CRACR2A: variants seen among roughly 807,000 people sequenced by gnomAD.
CRACR2A encodes the protein EF-hand calcium-binding domain-containing protein 4B.
CRACR2A carries 79 observed loss-of-function variants against 90.5 expected under a neutral mutation model. The observed-to-expected ratio is 0.87, with a 90% CI of 0.73 to 1.05. CRACR2A has a LOEUF of 1.05. CRACR2A is among the 50% of genes least tolerant of loss of function. The probability of loss-of-function intolerance (pLI) is 0.00; values close to 1 mark genes in which losing one functional copy is unlikely to be tolerated. For missense variants in CRACR2A, 823 were observed against 897.2 expected (o/e 0.92, Z 1.06); for synonymous variants, 338 against 356.7 (o/e 0.95, Z 0.59).
chr12:3,666,196 T>C (rs1945132032), intron 7 of CRACR2A, among the ~76,000 whole-genome samples: 1 of 151,886 alleles, frequency 6.6e-6, no homozygotes, highest in South Asian at 2.1e-4. Flanking sequence ...GCGGATGCCA[T>C]AAGGGCAACA....
At chr12:3,659,405 G>T (rs544356172) in intron 8 of CRACR2A, among the ~76,000 whole-genome samples, 159 bp downstream of exon 8, 10 of 152,214 alleles carry the variant, frequency 6.6e-5, no homozygotes, top group African/African-American at 2.2e-4. Flanking sequence ...GATATTACAT[G>T]TCCTGTGTGA....
At chr12:3,745,825 T>TAAAATAAAATAAAATAAAG (rs149739964) in intron 1 of CRACR2A, among the ~76,000 whole-genome samples, 10,134 of 100,266 alleles carry the variant, frequency 0.1, 1,041 homozygotes, top group African/African-American at 0.12. Context: ...TAAAATAAAA[T>TAAAATAAAATAAAATAAAG]AAAGAAAGAA....
intron 4 of CRACR2A, among the ~76,000 whole-genome samples, chr12:3,695,963 T>C (rs554695919): frequency 9.8e-5 from 15 of 152,378 alleles, no homozygotes; most frequent in African/African-American, 3.1e-4. Context: ...TCCCCTATTT[T>C]GGTGTGGCTA....
At chr12:3,630,832 G>A (rs976617662) in intron 15 of CRACR2A, among the ~76,000 whole-genome samples, 6 of 152,248 alleles carry the variant, frequency 3.9e-5, no homozygotes, top group African/African-American at 1.4e-4. Flanking sequence ...TTGCACTGGA[G>A]CAACTGGCAT....
At chr12:3,654,166 A>G (rs2137463203) in intron 10 of CRACR2A, 46 bp downstream of exon 10, 1 of 1,590,098 alleles carries the variant, frequency 6.3e-7, no homozygotes, top group South Asian at 1.1e-5. Context: ...CATAGTGGGG[A>G]GTGGTGCGGG....
chr12:3,747,617 G>A (rs916524785), intron 1 of CRACR2A, among the ~76,000 whole-genome samples: 1 of 152,206 alleles, frequency 6.6e-6, no homozygotes, highest in East Asian at 1.9e-4. Flanking sequence ...CAATCACCCA[G>A]GTAATAGAAG....
chr12:3,687,117 A>G (rs1945571683), intron 4 of CRACR2A, among the ~76,000 whole-genome samples: 2 of 151,998 alleles, frequency 1.3e-5, no homozygotes, highest in Admixed American at 6.5e-5. Flanking sequence ...CAATCTCACA[A>G]TCCATTTTTA....
intron 7 of CRACR2A, among the ~76,000 whole-genome samples, chr12:3,660,927 C>T (rs189558015): frequency 4.0e-4 from 61 of 151,612 alleles, no homozygotes; most frequent in Admixed American, 6.6e-5. Flanking sequence ...TGATGGCAAG[C>T]CCACTGTGCC....
At chr12:3,630,539 T>C (rs1944360084) in intron 15 of CRACR2A, among the ~76,000 whole-genome samples, 1 of 152,188 alleles carries the variant, frequency 6.6e-6, no homozygotes, top group Non-Finnish European at 1.5e-5. Flanking sequence ...CCTTGGATTC[T>C]GGCCTGTGAT....
intron 4 of CRACR2A, among the ~76,000 whole-genome samples, chr12:3,681,882 A>T (rs1397181811): frequency 6.6e-6 from 1 of 152,222 alleles, no homozygotes; most frequent in Non-Finnish European, 1.5e-5. Context: ...AGACAGGCTG[A>T]TGTGGAAGCC....
intron 2 of CRACR2A, among the ~76,000 whole-genome samples, chr12:3,724,036 G>A (rs553265734): frequency 6.6e-6 from 1 of 152,254 alleles, no homozygotes; most frequent in African/African-American, 2.4e-5. Flanking sequence ...GAATAATCAT[G>A]CATCAGTTGT....
At chr12:3,677,214 G>A (rs1257126343) in intron 6 of CRACR2A, among the ~76,000 whole-genome samples, 2 of 152,168 alleles carry the variant, frequency 1.3e-5, no homozygotes, top group Non-Finnish European at 2.9e-5. Context: ...TCATTTTGGT[G>A]AGCAAAATCT....
chr12:3,623,314 C>T (rs1039600707), intron 17 of CRACR2A, among the ~76,000 whole-genome samples: 2 of 152,120 alleles, frequency 1.3e-5, no homozygotes, highest in Non-Finnish European at 2.9e-5. Context: ...CTGGTCTATT[C>T]GGCTTAACTC....
At chr12:3,646,601 G>A (rs1944691548) in intron 11 of CRACR2A, among the ~76,000 whole-genome samples, 1 of 152,180 alleles carries the variant, frequency 6.6e-6, no homozygotes, top group African/African-American at 2.4e-5. Flanking sequence ...CACAGCCAGG[G>A]CCTTCAGAAT....
intron 1 of CRACR2A, among the ~76,000 whole-genome samples, chr12:3,740,343 C>T (rs1488536363): frequency 2.0e-5 from 3 of 147,320 alleles, no homozygotes; most frequent in Admixed American, 6.7e-5. Context: ...GCAACACTTC[C>T]GGGGAAACAG....
intron 3 of CRACR2A, among the ~76,000 whole-genome samples, chr12:3,700,905 A>G (rs1290457183): frequency 1.3e-5 from 2 of 152,230 alleles, no homozygotes; most frequent in African/African-American, 2.4e-5. Context: ...ACAGCTAAAT[A>G]TACTTTTCAA....
At chr12:3,657,476 G>A (rs1200153437) in intron 8 of CRACR2A, among the ~76,000 whole-genome samples, 3 of 152,190 alleles carry the variant, frequency 2.0e-5, no homozygotes, top group South Asian at 2.1e-4. Flanking sequence ...AGAGGCCTTT[G>A]GACACCTCCA....
At chr12:3,622,410 G>T (rs1394039452) in intron 17 of CRACR2A, among the ~76,000 whole-genome samples, 2 of 152,152 alleles carry the variant, frequency 1.3e-5, no homozygotes, top group African/African-American at 4.8e-5. Context: ...CCAAAGCCAG[G>T]TTCTGTTCTA....
chr12:3,645,863 A>AGTAC (rs1169915647), intron 11 of CRACR2A, among the ~76,000 whole-genome samples: 1 of 152,234 alleles, frequency 6.6e-6, no homozygotes, highest in African/African-American at 2.4e-5. Context: ...GAAACATTAG[A>AGTAC]GTACATTTGT....
Sources: allele counts gnomAD v4.1 joint callset (sites outside exome capture counted in the v4.1 genomes callset), GRCh38; gene constraint gnomAD v4.1.1; transcripts MANE v1.5; gene names NCBI Gene and HGNC (gene_info 2026-07-23, HGNC 2026-07-21).